PCSK6: variants seen among roughly 807,000 people sequenced by gnomAD.
The protein encoded by PCSK6 is paired basic amino acid cleaving enzyme 4.
Under a neutral mutation model 123.3 loss-of-function variants are expected in PCSK6, and 85 were observed. The observed-to-expected ratio is 0.69, with a 90% CI of 0.58 to 0.83. The LOEUF is 0.83. Ranked by LOEUF, PCSK6 falls within the 40% of genes least tolerant of loss-of-function variation. PCSK6 has a pLI of 0.00. For missense variants in PCSK6, 1,191 were observed against 1,282.3 expected, an observed-to-expected ratio of 0.93 and a Z score of 1.09; for synonymous variants, 508 against 516.0, an observed-to-expected ratio of 0.98 and a Z score of 0.21.
intron 11 of PCSK6, among the ~76,000 whole-genome samples, chr15:101,373,154 C>T (rs560492925): frequency 3.9e-5 from 6 of 152,144 alleles, no homozygotes; most frequent in Admixed American, 1.3e-4. Flanking sequence ...GGACTCCAGC[C>T]GCTGCATAAA....
At chr15:101,387,638 G>A (rs3784486) in intron 9 of PCSK6, among the ~76,000 whole-genome samples, 15,664 of 52,488 alleles carry the variant, frequency 0.3, 1,343 homozygotes, top group African/African-American at 0.41. Flanking sequence ...CAAAACCATG[G>A]GACTCCCTTT....
intron 20 of PCSK6, among the ~76,000 whole-genome samples, chr15:101,311,415 C>A (rs1210396984): frequency 6.6e-6 from 1 of 151,850 alleles, no homozygotes; most frequent in Non-Finnish European, 1.5e-5. Context: ...GCGTGAGCCA[C>A]CGTGCCCGGC....
At chr15:101,438,981 A>G (rs777410487) in intron 2 of PCSK6, among the ~76,000 whole-genome samples, 1 of 152,240 alleles carries the variant, frequency 6.6e-6, no homozygotes, top group African/African-American at 2.4e-5. Flanking sequence ...TCACCCGAGG[A>G]GGATCTTAAA....
chr15:101,467,732 A>T (rs528028986), intron 1 of PCSK6, among the ~76,000 whole-genome samples: 1 of 152,326 alleles, frequency 6.6e-6, no homozygotes, highest in African/African-American at 2.4e-5. Flanking sequence ...CCTTAGAAAC[A>T]CGATGTTAAA....
intron 1 of PCSK6, among the ~76,000 whole-genome samples, chr15:101,479,076 A>C (rs2057803086): frequency 6.6e-6 from 1 of 152,220 alleles, no homozygotes; most frequent in Non-Finnish European, 1.5e-5. Flanking sequence ...GTAAAGACGC[A>C]GACTATGAGA....
At chr15:101,419,760 G>A (rs370495478) in intron 6 of PCSK6, among the ~76,000 whole-genome samples, 9 of 151,848 alleles carry the variant, frequency 5.9e-5, no homozygotes, top group South Asian at 2.1e-4. Flanking sequence ...CTAAGGAAAC[G>A]TAAGGGCAGA....
chr15:101,412,036 G>A (rs1284227754), intron 6 of PCSK6, among the ~76,000 whole-genome samples: 1 of 152,192 alleles, frequency 6.6e-6, no homozygotes. Flanking sequence ...GGTCATGGGA[G>A]GCACACAGGG....
chr15:101,418,418 A>G (rs2055964619), intron 6 of PCSK6, among the ~76,000 whole-genome samples: 1 of 152,376 alleles, frequency 6.6e-6, no homozygotes, highest in Non-Finnish European at 1.5e-5. Flanking sequence ...TTGTAAAACC[A>G]TAAGAAGACA....
At chr15:101,358,605 A>G (rs2041116472) in intron 13 of PCSK6, among the ~76,000 whole-genome samples, 1 of 152,228 alleles carries the variant, frequency 6.6e-6, no homozygotes, top group Non-Finnish European at 1.5e-5. Flanking sequence ...TGCAAAATGC[A>G]TCGGAGACAT....
intron 1 of PCSK6, among the ~76,000 whole-genome samples, chr15:101,479,694 A>G (rs2057823225): frequency 6.6e-6 from 1 of 152,208 alleles, no homozygotes; most frequent in Non-Finnish European, 1.5e-5. Context: ...ACCTCCATGC[A>G]GCCTTCTACT....
intron 1 of PCSK6, among the ~76,000 whole-genome samples, chr15:101,478,208 C>T (rs1253804599): frequency 1.3e-5 from 2 of 152,166 alleles, no homozygotes; most frequent in African/African-American, 4.8e-5. Flanking sequence ...TACTCAGCCT[C>T]TGTGGGTCTC....
intron 6 of PCSK6, among the ~76,000 whole-genome samples, chr15:101,425,632 A>ATATAAAG: frequency 8.3e-6 from 1 of 120,388 alleles, no homozygotes; most frequent in South Asian, 2.4e-4. Flanking sequence ...TTGTTTATAT[A>ATATAAAG]CATATATATA....
At chr15:101,323,943 G>A (rs2040190904) in intron 17 of PCSK6, among the ~76,000 whole-genome samples, 1 of 152,200 alleles carries the variant, frequency 6.6e-6, no homozygotes, top group Admixed American at 6.5e-5. Context: ...TAATGTGTTT[G>A]AGAACTATCC....
At chr15:101,352,199 G>A (rs1470572614) in intron 13 of PCSK6, among the ~76,000 whole-genome samples, 1 of 140,206 alleles carries the variant, frequency 7.1e-6, no homozygotes, top group Non-Finnish European at 1.5e-5. Flanking sequence ...CCAGGCTGGA[G>A]TGCAGTGGTG....
In PCSK6 at chr15:101,313,164, G is replaced by A. The variant is rs373560809; in HGVS notation, c.2699+212C>T. ...TTCCCATCTTATCCCGCTGCTGCAC[G>A]GTGTCTGCCCACAGCAGGGACCCAA... On this transcript the variant is annotated intron_variant, in intron 20 of 21. Transcript: ENST00000611716. 2.0e-4 allele frequency: 299 copies of A among 1,491,366 alleles called. 1 individual carries two copies. The Middle Eastern group carries it at 7.2e-3, about 36-fold the overall frequency. The allele number at this position is 1,491,366 out of a possible 1,614,324, so 92.4% of individuals were successfully genotyped here.
At chr15:101,345,288 G>C (rs190767195) in intron 13 of PCSK6, among the ~76,000 whole-genome samples, 29 of 152,216 alleles carry the variant, frequency 1.9e-4, no homozygotes, top group Admixed American at 3.3e-4. Flanking sequence ...AAAAGTCCAC[G>C]ACATCTTTTA....
chr15:101,485,341 G>T (rs4965392), intron 1 of PCSK6, among the ~76,000 whole-genome samples: 23,435 of 152,010 alleles, frequency 0.15, 2,078 homozygotes, highest in Middle Eastern at 0.24. Context: ...GTGTACTAAT[G>T]TATTTGTTAT....
At chr15:101,342,241 G>A (rs1267580145) in intron 13 of PCSK6, among the ~76,000 whole-genome samples, 2 of 151,222 alleles carry the variant, frequency 1.3e-5, no homozygotes, top group Non-Finnish European at 2.9e-5. Flanking sequence ...CACCATTACA[G>A]CACAAATGAG....
rs1296307645 is a variant in PCSK6 at position 101,331,705 on chromosome 15, T to C, written c.2039-16A>G. 9.3e-6 allele frequency: 15 copies of C among 1,608,896 alleles called. No individual in the cohort carries two copies. Among genetic ancestry groups the C allele is most frequent in the African/African-American group, 1.4e-5 (1 of 72,820 alleles). ...GTGGATTGAGCTGTGTGAGTGCAAA[T>C]TGCCATGATTATTATGACTCCCAGG... is the stretch of plus-strand genomic sequence containing the variant. On this transcript the variant is annotated splice_polypyrimidine_tract_variant and intron_variant, in intron 14 of 21. Transcript: ENST00000611716.
Sources: allele counts gnomAD v4.1 joint callset (sites outside exome capture counted in the v4.1 genomes callset), GRCh38; gene constraint gnomAD v4.1.1; transcripts MANE v1.5; gene names NCBI Gene and HGNC (gene_info 2026-07-23, HGNC 2026-07-21).